FAM219A: variants seen among roughly 807,000 people sequenced by gnomAD.
FAM219A encodes family with sequence similarity 219 member A.
A neutral mutation model predicts 23.4 loss-of-function variants in FAM219A; 7 were observed. The observed-to-expected ratio is 0.30, with a 90% CI of 0.17 to 0.56. The LOEUF (loss-of-function observed/expected upper bound fraction) is 0.56, where lower values mean the gene tolerates loss of function less well. FAM219A is among the 20% of genes least tolerant of loss of function. The probability of loss-of-function intolerance (pLI) is 0.92; values close to 1 mark genes in which losing one functional copy is unlikely to be tolerated. For synonymous variants in FAM219A, 93 were observed against 99.0 expected (o/e 0.94, Z 0.36); for missense variants, 166 against 246.9 (o/e 0.67, Z 2.20).
chr9:34,440,991 T>G (rs930053611), intron 1 of FAM219A, among the ~76,000 whole-genome samples: 1 of 152,036 alleles, frequency 6.6e-6, no homozygotes, highest in South Asian at 2.1e-4. Context: ...CTTGAGCCTC[T>G]CGAGTAGCTG....
intron 1 of FAM219A, among the ~76,000 whole-genome samples, chr9:34,430,388 C>T (rs900218434): frequency 6.6e-6 from 1 of 151,770 alleles, no homozygotes; most frequent in Non-Finnish European, 1.5e-5. Context: ...AAAAAGAAAA[C>T]ACATGCTGGG....
chr9:34,451,293 C>CTCCTTCCT (rs920694308), intron 1 of FAM219A, among the ~76,000 whole-genome samples: 1 of 152,130 alleles, frequency 6.6e-6, no homozygotes, highest in African/African-American at 2.4e-5. Flanking sequence ...GCTGGTTCCC[C>CTCCTTCCT]TCCTTCCTTC....
intron 1 of FAM219A, among the ~76,000 whole-genome samples, chr9:34,419,722 A>G (rs553273937): frequency 6.6e-6 from 1 of 152,308 alleles, no homozygotes; most frequent in South Asian, 2.1e-4. Flanking sequence ...AGTAAGCTTC[A>G]ATTACTCAAG....
chr9:34,401,774 T>G, intron 4 of FAM219A, 54 bp from the exon 5 acceptor site: 1 of 1,568,652 alleles, frequency 6.4e-7, no homozygotes, highest in Non-Finnish European at 8.7e-7. Context: ...CATAGAAAAC[T>G]CTCTGCAATC....
intron 1 of FAM219A, among the ~76,000 whole-genome samples, chr9:34,435,078 C>T (rs1011901444): frequency 6.6e-6 from 1 of 152,192 alleles, no homozygotes; most frequent in African/African-American, 2.4e-5. Flanking sequence ...GCCTCAGCCT[C>T]CCAAAGTACT....
Position 34,444,242 on chromosome 9 carries a change from A to C in FAM219A, c.60+13962T>G, listed in dbSNP as rs1050648336. On this transcript the variant is annotated intron_variant, in intron 1 of 5. Transcript: ENST00000651358. Reference sequence around the variant, plus strand: ...TGCCAATGTGGCTACTGGCTTTCCCACCAGAGGCAAGTCTGTCCCCAGAGA... The same window carrying C: ...TGCCAATGTGGCTACTGGCTTTCCCCCCAGAGGCAAGTCTGTCCCCAGAGA... Among the ~76,000 whole-genome samples the C allele has an allele frequency of 3.9e-5, 6 of 152,190 alleles. No individual in the cohort carries two copies. The Middle Eastern group carries it at 0.01, about 259-fold the overall frequency.
chr9:34,458,138 A>G lies in FAM219A; in HGVS notation c.60+66T>C. On this transcript the variant is annotated intron_variant, in intron 1 of 5. Transcript: ENST00000651358. This position sits in a 1 kb window ranked among gnomAD's most constrained non-coding sequence, Gnocchi z 6.6. ...CCCTCCGCACGATCCCCCCGGCCTG[A>G]TTCCCTCCCTCCCCCTCAAGCGACG... 222 of 961,144 alleles carry G rather than the reference A, an allele frequency of 2.3e-4. No homozygotes were observed. The highest frequency in any genetic ancestry group is 4.5e-4 in the Middle Eastern group (2 of 4,442). The allele number at this position is 961,144 out of a possible 1,614,324, so 59.5% of individuals were successfully genotyped here.
Position 34,457,875 on chromosome 9 carries a change from C to T in FAM219A, c.60+329G>A, listed in dbSNP as rs921317292. Among the ~76,000 whole-genome samples, 14 of 152,334 alleles carry T rather than the reference C, an allele frequency of 9.2e-5. No homozygotes were observed. The highest frequency in any genetic ancestry group is 5.9e-4 in the Admixed American group (9 of 15,308). On this transcript the variant is annotated intron_variant, in intron 1 of 5. Transcript: ENST00000651358. The surrounding 1 kb of genome is among the most constrained non-coding windows in gnomAD (Gnocchi z 5.1). ...CATCCCAGACCCCTGGGCCTGCCGC[C>T]GGCGGTGCCCCATGGCAGTTCCCTC...
intron 1 of FAM219A, among the ~76,000 whole-genome samples, chr9:34,428,812 C>A (rs1026327005): frequency 1.3e-5 from 2 of 152,186 alleles, no homozygotes; most frequent in African/African-American, 2.4e-5. Flanking sequence ...GTTCTTGTTT[C>A]TTCTCCAGGC....
intron 1 of FAM219A, among the ~76,000 whole-genome samples, chr9:34,407,879 T>C (rs1821695267): frequency 6.6e-6 from 1 of 152,176 alleles, no homozygotes; most frequent in Non-Finnish European, 1.5e-5. Context: ...GGGAAGGATA[T>C]ATAACCATTA....
In FAM219A at chr9:34,405,852, C is replaced by G. The variant is rs778626103; in HGVS notation, c.160+13G>C. The G allele has an allele frequency of 9.9e-6, 16 of 1,613,456 alleles. No homozygotes were observed. In the East Asian group the frequency reaches 3.1e-4, roughly 31 times the overall value. ...TACTCCCCACATCTCCCTCACCCCC[C>G]AGACACACTCACCCAGCTTCACTTG... On this transcript the variant is annotated intron_variant, in intron 2 of 5. Coordinates refer to ENST00000651358, the MANE Select transcript of FAM219A (RefSeq NM_001184940.2).
rs1822072467 is a variant in FAM219A, at chr9:34,417,290, T to C, written c.61-11326A>G. Among the ~76,000 whole-genome samples the C allele has an allele frequency of 6.6e-6, 1 of 152,160 alleles. No individual in the cohort carries two copies. Among genetic ancestry groups the C allele is most frequent in the South Asian group, 2.1e-4 (1 of 4,826 alleles). On this transcript the variant is annotated intron_variant, in intron 1 of 5. Coordinates refer to ENST00000651358, the MANE Select transcript of FAM219A (RefSeq NM_001184940.2). The surrounding 1 kb of genome is among the most constrained non-coding windows in gnomAD (Gnocchi z 4.1). ...TCGAACTCCTGGCCTCAAGTGATCC[T>C]CCTGCCTCGGCCTCCCAAAGTGCTG...
At chr9:34,433,885 C>G (rs1041841758) in intron 1 of FAM219A, among the ~76,000 whole-genome samples, 1 of 152,150 alleles carries the variant, frequency 6.6e-6, no homozygotes, top group Non-Finnish European at 1.5e-5. Context: ...CTGCCCTCCC[C>G]GTTGCTCAGG....
intron 1 of FAM219A, among the ~76,000 whole-genome samples, chr9:34,428,471 G>A (rs1822568085): frequency 6.6e-6 from 1 of 152,232 alleles, no homozygotes; most frequent in African/African-American, 2.4e-5. Context: ...GAGAGTAAAT[G>A]AGTTCTCCCA....
intron 1 of FAM219A, among the ~76,000 whole-genome samples, chr9:34,453,269 T>C (rs555391592): frequency 1.3e-5 from 2 of 152,286 alleles, no homozygotes; most frequent in South Asian, 4.1e-4. Flanking sequence ...ATCTTTATAA[T>C]GTTCTCTCCG....
intron 2 of FAM219A, 91 bp downstream of exon 2, chr9:34,405,774 G>C: frequency 7.9e-7 from 1 of 1,261,238 alleles, no homozygotes; most frequent in Non-Finnish European, 1.1e-6. Context: ...CATCTAGGCT[G>C]AGCTGGTTTA....
chr9:34,456,732 G>A (rs902524865), intron 1 of FAM219A, among the ~76,000 whole-genome samples: 2 of 152,180 alleles, frequency 1.3e-5, no homozygotes, highest in Admixed American at 6.5e-5. Flanking sequence ...GATGGCATGA[G>A]GCTAGGAAAA....
At position 34,424,843 on chromosome 9, in the gene FAM219A, C is replaced by G. The variant is rs768046619; in HGVS notation, c.61-18879G>C. ...TTGTTTTTTGAAATAGGGTCTCACTCTGTCACTCAGGCTGGAGTGCAATGG... is the reference window on the plus strand; with the variant it reads ...TTGTTTTTTGAAATAGGGTCTCACTGTGTCACTCAGGCTGGAGTGCAATGG... On this transcript the variant is annotated intron_variant, in intron 1 of 5. Transcript: ENST00000651358. 3.9e-5 allele frequency among the ~76,000 whole-genome samples: 6 copies of G among 152,322 alleles called. No individual in the cohort carries two copies. The Middle Eastern group carries it at 0.01, about 259-fold the overall frequency.
chr9:34,425,043 C>T (rs536668360), intron 1 of FAM219A, among the ~76,000 whole-genome samples: 7 of 151,926 alleles, frequency 4.6e-5, no homozygotes, highest in African/African-American at 1.7e-4. Flanking sequence ...TGAGCTCAAG[C>T]GATCTACCCC....
Sources: allele counts gnomAD v4.1 joint callset (sites outside exome capture counted in the v4.1 genomes callset), GRCh38; gene constraint gnomAD v4.1.1; non-coding constraint Gnocchi (gnomAD v3.1); transcripts MANE v1.5; gene names NCBI Gene and HGNC (gene_info 2026-07-23, HGNC 2026-07-21).